JAK1: variants seen among roughly 807,000 people sequenced by gnomAD.
JAK1 encodes Janus kinase 1.
JAK1 carries 16 observed loss-of-function variants against 136.6 expected under a neutral mutation model. That is an observed-to-expected ratio of 0.12 (90% CI 0.08 to 0.18). The LOEUF (loss-of-function observed/expected upper bound fraction) is 0.18. Ranked by LOEUF, JAK1 falls within the 10% of genes least tolerant of loss-of-function variation. The pLI, the probability that JAK1 is intolerant of heterozygous loss-of-function variation, is 1.00. For synonymous variants in JAK1, 492 were observed against 519.5 expected (o/e 0.95, Z 0.72); for missense variants, 859 against 1,450.1 (o/e 0.59, Z 6.62).
chr1:64,838,967 A>T (rs1022194029), intron 20 of JAK1, among the ~76,000 whole-genome samples: 23 of 150,320 alleles, frequency 1.5e-4, no homozygotes, highest in African/African-American at 5.2e-4. Context: ...AACACGGTGA[A>T]ACCCCGTCTC....
intron 2 of JAK1, among the ~76,000 whole-genome samples, chr1:65,042,091 C>CA (rs1293620979): frequency 1.3e-5 from 2 of 151,632 alleles, no homozygotes; most frequent in African/African-American, 4.8e-5. Flanking sequence ...AAAAACAAAA[C>CA]AAAAAAACCC....
At chr1:64,873,259 G>T in intron 5 of JAK1, 111 bp downstream of exon 5, 1 of 1,260,124 alleles carries the variant, frequency 7.9e-7, no homozygotes, top group Non-Finnish European at 1.1e-6. Flanking sequence ...ACCCAGAACA[G>T]GCCTTAAAGC....
At chr1:64,952,959 C>G (rs761608563) in intron 1 of JAK1, among the ~76,000 whole-genome samples, 2 of 152,178 alleles carry the variant, frequency 1.3e-5, no homozygotes, top group Non-Finnish European at 2.9e-5. Flanking sequence ...AACTTGCCCA[C>G]GATCACTCAG....
chr1:64,994,358 T>C (rs913894038), intron 2 of JAK1, among the ~76,000 whole-genome samples: 1 of 152,236 alleles, frequency 6.6e-6, no homozygotes, highest in African/African-American at 2.4e-5. Context: ...ACACATGTAA[T>C]GAGCCCGGAA....
At chr1:65,059,100 G>T (rs915927636) in intron 1 of JAK1, among the ~76,000 whole-genome samples, 1 of 149,800 alleles carries the variant, frequency 6.7e-6, no homozygotes, top group Admixed American at 6.7e-5. Context: ...ATCAAAAAAG[G>T]ATTCTGGAAA....
intron 1 of JAK1, among the ~76,000 whole-genome samples, chr1:64,944,204 A>G (rs928039478): frequency 1.5e-5 from 2 of 137,860 alleles, no homozygotes; most frequent in African/African-American, 5.7e-5. Context: ...CCTGGGCAAC[A>G]GTGCAAGACT....
intron 1 of JAK1, among the ~76,000 whole-genome samples, chr1:64,908,330 T>A (rs1471448361): frequency 6.6e-6 from 1 of 152,144 alleles, no homozygotes; most frequent in African/African-American, 2.4e-5. Context: ...TTCAGCTCTA[T>A]CCTTATTCAT....
At chr1:64,948,985 T>C (rs1646035087) in intron 1 of JAK1, among the ~76,000 whole-genome samples, 2 of 152,122 alleles carry the variant, frequency 1.3e-5, no homozygotes, top group African/African-American at 2.4e-5. Flanking sequence ...GATCACAATA[T>C]ATTTAAGAAA....
At chr1:64,873,093 G>A (rs934945058) in intron 5 of JAK1, among the ~76,000 whole-genome samples, 13 of 152,096 alleles carry the variant, frequency 8.5e-5, no homozygotes, top group African/African-American at 2.2e-4. Flanking sequence ...CTATTAATAC[G>A]GATGAAAAAT....
At chr1:64,953,549 A>G (rs531830082) in intron 1 of JAK1, among the ~76,000 whole-genome samples, 11 of 152,360 alleles carry the variant, frequency 7.2e-5, no homozygotes, top group African/African-American at 2.4e-4. Context: ...TTAAAATGTC[A>G]AAAACAGCAA....
intron 12 of JAK1, among the ~76,000 whole-genome samples, 163 bp from the exon 13 acceptor site, chr1:64,847,838 C>T (rs1655336502): frequency 6.6e-6 from 1 of 152,040 alleles, no homozygotes; most frequent in Admixed American, 6.5e-5. Context: ...GAGAAAACAA[C>T]AAGCTATTTG....
intron 2 of JAK1, chr1:64,991,245 T>C (rs1646654437): frequency 6.6e-6 from 1 of 152,198 alleles, no homozygotes; most frequent in Non-Finnish European, 1.5e-5. Context: ...AGGGCTACCA[T>C]AACAAAATAT....
chr1:65,021,627 C>T (rs1015019755), intron 2 of JAK1, among the ~76,000 whole-genome samples: 2 of 152,086 alleles, frequency 1.3e-5, no homozygotes, highest in African/African-American at 4.8e-5. Flanking sequence ...TCATTGAATC[C>T]CTGAGTTCTA....
At chr1:64,927,049 A>G (rs1003400112) in intron 1 of JAK1, among the ~76,000 whole-genome samples, 2 of 152,114 alleles carry the variant, frequency 1.3e-5, no homozygotes, top group African/African-American at 4.8e-5. Context: ...AAATATACCA[A>G]CTACTTCCCA....
At chr1:65,039,692 T>C (rs1289411467) in intron 2 of JAK1, among the ~76,000 whole-genome samples, 4 of 152,194 alleles carry the variant, frequency 2.6e-5, no homozygotes, top group Admixed American at 6.5e-5. Flanking sequence ...TTACTGTCAA[T>C]GACTTTTGAT....
intron 2 of JAK1, chr1:64,973,015 G>A (rs925563344): frequency 1.3e-5 from 2 of 151,674 alleles, no homozygotes; most frequent in African/African-American, 2.4e-5. Context: ...AGCTACTGAG[G>A]AGGCTGAGGC....
At chr1:64,955,203 G>C (rs964041643) in intron 1 of JAK1, among the ~76,000 whole-genome samples, 2 of 152,224 alleles carry the variant, frequency 1.3e-5, no homozygotes, top group Non-Finnish European at 2.9e-5. Flanking sequence ...CGAAGAAAGA[G>C]ATGGTTCCTG....
intron 1 of JAK1, among the ~76,000 whole-genome samples, chr1:64,953,957 G>A (rs552593144): frequency 2.0e-5 from 3 of 152,198 alleles, no homozygotes; most frequent in Non-Finnish European, 4.4e-5. Context: ...TTATAGGCAT[G>A]AGCGACCGCA....
chr1:64,901,845 T>C (rs563210389), intron 1 of JAK1, among the ~76,000 whole-genome samples: 4 of 152,264 alleles, frequency 2.6e-5, no homozygotes, highest in African/African-American at 9.6e-5. Context: ...TAGCCTAGTC[T>C]AGACATTTCA....
Sources: gnomAD v4.1 joint callset for allele counts (sites outside exome capture counted in the v4.1 genomes callset) on GRCh38, gnomAD v4.1.1 for gene constraint, MANE v1.5 for transcripts, NCBI Gene and HGNC (gene_info 2026-07-23, HGNC 2026-07-21) for gene names.